The following TAOK3 variants were observed in gnomAD, a reference collection of about 807,000 sequenced individuals.
TAOK3 encodes serine/threonine-protein kinase TAO3.
TAOK3 carries 40 observed loss-of-function variants against 120.4 expected under a neutral mutation model. The ratio of observed to expected loss-of-function variants is 0.33; its 90% confidence interval spans 0.26 to 0.43. The LOEUF (loss-of-function observed/expected upper bound fraction) is 0.43. Ranked by LOEUF, TAOK3 falls within the 20% of genes least tolerant of loss-of-function variation. The pLI is 1.00. For synonymous variants in TAOK3, 355 were observed against 387.5 expected (o/e 0.92, Z 0.99); for missense variants, 821 against 1,112.1 (o/e 0.74, Z 3.72).
chr12:118,189,777 G>A, intron 14 of TAOK3, 30 bp downstream of exon 14: 1 of 1,613,308 alleles, frequency 6.2e-7, no homozygotes, highest in Non-Finnish European at 8.5e-7. Context: ...GGGGAAGGAA[G>A]GGAAGGTGGG....
intron 12 of TAOK3, 125 bp downstream of exon 12, chr12:118,201,171 C>T: frequency 1.1e-6 from 1 of 903,166 alleles, no homozygotes; most frequent in South Asian, 1.9e-5. Context: ...TACAACCCTT[C>T]ATGTTTCTTA....
At position 118,320,276 on chromosome 12, in the gene TAOK3, A is replaced by G. The variant is rs2043647585; in HGVS notation, c.-194+52372T>C. 1.3e-5 allele frequency among the ~76,000 whole-genome samples: 2 copies of G among 152,164 alleles called. 1 individual carries two copies. Among genetic ancestry groups the G allele is most frequent in the African/African-American group, 4.8e-5 (2 of 41,432 alleles). On this transcript the variant is annotated intron_variant, in intron 1 of 20. Coordinates refer to ENST00000392533, the MANE Select transcript of TAOK3 (RefSeq NM_016281.4). ...TCTGGAAATAGATAGTGATGTTCCC[A>G]TAATTATTTCCTTATGACAAGTTTC...
chr12:118,247,504 T>C (rs982746570), intron 3 of TAOK3, among the ~76,000 whole-genome samples: 1 of 149,210 alleles, frequency 6.7e-6, no homozygotes, highest in Admixed American at 6.7e-5. Flanking sequence ...CACACACACA[T>C]ACATACGTAC....
intron 3 of TAOK3, among the ~76,000 whole-genome samples, chr12:118,254,748 A>C (rs1414562909): frequency 5.3e-5 from 8 of 151,936 alleles, no homozygotes; most frequent in Admixed American, 3.9e-4. Flanking sequence ...CTCAACTTCA[A>C]GCTCTTAACT....
chr12:118,250,332 TG>T (rs1437200390), intron 3 of TAOK3, among the ~76,000 whole-genome samples: 1 of 152,178 alleles, frequency 6.6e-6, no homozygotes, highest in Non-Finnish European at 1.5e-5. Context: ...TAATAATTTC[TG>T]TTTTCTCTGA....
intron 16 of TAOK3, among the ~76,000 whole-genome samples, chr12:118,174,640 T>A (rs2036209335): frequency 1.3e-5 from 2 of 151,982 alleles, no homozygotes. Context: ...GAGTTAGAAA[T>A]AAGGAAGGTA....
chr12:118,211,794 C>T (rs918367971), intron 11 of TAOK3, among the ~76,000 whole-genome samples: 1 of 151,768 alleles, frequency 6.6e-6, no homozygotes, highest in African/African-American at 2.4e-5. Context: ...CATTTTTTCC[C>T]CTTTTATGGT....
Position 118,161,955 on chromosome 12 carries a change from C to A in TAOK3, c.1972G>T (p.Glu658Ter). Residue 658 changes from glutamate (E) to a stop codon, truncating the protein, a stop_gained, in exon 18 of 21, where the codon GAG (glutamate) becomes TAG (stop). Transcript: ENST00000392533. LOFTEE classifies it high-confidence loss of function. The surrounding 1 kb of genome is among the most constrained non-coding windows in gnomAD (Gnocchi z 4.5). ...MLIRHDESTR[E>*]LEYRQLHTLQ... Reference sequence around the variant, plus strand: ...GTGTGCAGCTGCCTGTACTCTAGCTCTCGGGTGGACTCGTCGTGCCGGATT... The same window carrying A: ...GTGTGCAGCTGCCTGTACTCTAGCTATCGGGTGGACTCGTCGTGCCGGATT... 6.2e-7 allele frequency: 1 copy of A among 1,614,116 alleles called. No homozygotes were observed. The highest frequency in any genetic ancestry group is 8.5e-7 in the Non-Finnish European group (1 of 1,180,024).
intron 1 of TAOK3, among the ~76,000 whole-genome samples, chr12:118,276,633 C>T (rs1038336487): frequency 6.6e-6 from 1 of 152,058 alleles, no homozygotes; most frequent in East Asian, 1.9e-4. Context: ...ACTGGGGGGG[C>T]GGAGCTTGCA....
At chr12:118,253,156 T>C (rs775124955) in intron 3 of TAOK3, among the ~76,000 whole-genome samples, 2 of 152,210 alleles carry the variant, frequency 1.3e-5, no homozygotes, top group Non-Finnish European at 2.9e-5. Flanking sequence ...ATAGACGCAG[T>C]GGTTGAGAAA....
chr12:118,240,895 C>A (rs1593266833), intron 5 of TAOK3, among the ~76,000 whole-genome samples: 1 of 151,074 alleles, frequency 6.6e-6, no homozygotes, highest in African/African-American at 2.4e-5. Context: ...ATATTATGTA[C>A]CTTGCATTAC....
chr12:118,302,666 A>G (rs951164846), intron 1 of TAOK3, among the ~76,000 whole-genome samples: 2 of 152,252 alleles, frequency 1.3e-5, no homozygotes, highest in African/African-American at 4.8e-5. Context: ...TCTTCTGCAC[A>G]TATTAGTGCA....
At chr12:118,308,227 A>G (rs573564526) in intron 1 of TAOK3, among the ~76,000 whole-genome samples, 48 of 152,134 alleles carry the variant, frequency 3.2e-4, no homozygotes, top group Middle Eastern at 3.4e-3. Context: ...ATGCCACGGC[A>G]ACATCAGGAA....
At chr12:118,257,432 T>G (rs1297711101) in intron 2 of TAOK3, among the ~76,000 whole-genome samples, 1 of 152,126 alleles carries the variant, frequency 6.6e-6, no homozygotes, top group Non-Finnish European at 1.5e-5. Flanking sequence ...TGATGTAGAT[T>G]CTTTTTTATT....
At chr12:118,181,172 G>T (rs2036695702) in intron 15 of TAOK3, among the ~76,000 whole-genome samples, 199 bp downstream of exon 15, 2 of 152,174 alleles carry the variant, frequency 1.3e-5, no homozygotes, top group Non-Finnish European at 2.9e-5. Context: ...GGACAAGAAT[G>T]TAACATATAT....
At chr12:118,297,176 A>C (rs1003330170) in intron 1 of TAOK3, 6 of 152,228 alleles carry the variant, frequency 3.9e-5, no homozygotes, top group African/African-American at 1.2e-4. Context: ...GAGAATTAGA[A>C]TGCAATAAAT....
intron 13 of TAOK3, among the ~76,000 whole-genome samples, chr12:118,196,546 T>C (rs2037739138): frequency 6.6e-6 from 1 of 152,144 alleles, no homozygotes; most frequent in Non-Finnish European, 1.5e-5. Flanking sequence ...AGAAAAGATA[T>C]ATCTGCTTGA....
At chr12:118,286,916 A>T (rs2042287516) in intron 1 of TAOK3, among the ~76,000 whole-genome samples, 1 of 152,240 alleles carries the variant, frequency 6.6e-6, no homozygotes, top group Non-Finnish European at 1.5e-5. Context: ...TGGCATTTGC[A>T]GTGACCTGGA....
chr12:118,297,920 T>C (rs776648615), intron 1 of TAOK3, among the ~76,000 whole-genome samples: 5 of 152,088 alleles, frequency 3.3e-5, no homozygotes, highest in Non-Finnish European at 2.9e-5. Context: ...ATGAAGACTA[T>C]AAGCACGCAC....
Sources: gnomAD v4.1 joint callset for allele counts (sites outside exome capture counted in the v4.1 genomes callset) on GRCh38, gnomAD v4.1.1 for gene constraint, Gnocchi (gnomAD v3.1) non-coding constraint, MANE v1.5 for transcripts, NCBI Gene and HGNC (gene_info 2026-07-23, HGNC 2026-07-21) for gene names.